The following GPX8 variants were observed in gnomAD, a reference collection of about 807,000 sequenced individuals.
GPX8 encodes the protein glutathione peroxidase 8 (putative), also known as protein peroxidase GPX8.
A neutral mutation model predicts 17.8 loss-of-function variants in GPX8; 12 were observed. That is an observed-to-expected ratio of 0.67 (90% CI 0.43 to 1.09). The LOEUF (loss-of-function observed/expected upper bound fraction) is 1.09. Among genes scored for constraint, GPX8 ranks in the 50% least tolerant of loss-of-function variants. The probability of loss-of-function intolerance (pLI) is 0.00; values close to 1 mark genes in which losing one functional copy is unlikely to be tolerated. For missense variants in GPX8, 209 were observed against 235.6 expected (o/e 0.89, Z 0.74); for synonymous variants, 86 against 88.1 (o/e 0.98, Z 0.14).
rs1744438610 is a variant in GPX8, at chr5:55,167,153, G to T, written c.*2935G>T. The T allele has an allele frequency of 6.6e-6, 1 of 152,200 alleles. No individual in the cohort carries two copies. Among genetic ancestry groups the T allele is most frequent in the African/African-American group, 2.4e-5 (1 of 41,446 alleles). The allele number at this position is 152,200 out of a possible 1,614,324, so 9.4% of individuals were successfully genotyped here. A position where few individuals can be genotyped will look rare whatever the true frequency, so the allele number is the denominator to read the frequency against. On this transcript the variant is annotated 3_prime_UTR_variant, in exon 3 of 3. Transcript: ENST00000503787. ...ACAAAATCAAATGCATTTTAACTGT[G>T]GTAACTAATTCACTGACTTGAAGTT... is the stretch of plus-strand genomic sequence containing the variant.
At position 55,165,101 on chromosome 5, in the gene GPX8, A is replaced by G. The variant is rs1453551799; in HGVS notation, c.*883A>G. On this transcript the variant is annotated 3_prime_UTR_variant, in exon 3 of 3. Coordinates refer to ENST00000503787, the MANE Select transcript of GPX8 (RefSeq NM_001008397.4). Reference sequence around the variant, plus strand: ...TGGGTTGCTAATGTATTCGTACTAGATTAGCCACTTGGGAGGAATTCAATG... The same window carrying G: ...TGGGTTGCTAATGTATTCGTACTAGGTTAGCCACTTGGGAGGAATTCAATG... 6.6e-6 allele frequency: 1 copy of G among 152,200 alleles called. No homozygotes were observed. Among genetic ancestry groups the G allele is most frequent in the African/African-American group, 2.4e-5 (1 of 41,444 alleles). 9.4% of individuals were successfully genotyped at this position (152,200 alleles called of 1,614,324 possible). A position where few individuals can be genotyped will look rare whatever the true frequency, so the allele number is the denominator to read the frequency against.
At position 55,166,787 on chromosome 5, in the gene GPX8, G is replaced by A. The variant is rs1335282330; in HGVS notation, c.*2569G>A. Reference sequence around the variant, plus strand: ...CTCACACCGGTAATCCCAGCACTTTGGGAGGCCGAGGCGGGTGGATCACTT... The same window carrying A: ...CTCACACCGGTAATCCCAGCACTTTAGGAGGCCGAGGCGGGTGGATCACTT... On this transcript the variant is annotated 3_prime_UTR_variant, in exon 3 of 3. Transcript: ENST00000503787. 6.6e-6 allele frequency: 1 copy of A among 152,400 alleles called. No homozygotes were observed. The highest frequency in any genetic ancestry group is 2.4e-5 in the African/African-American group (1 of 41,458). 9.4% of individuals were successfully genotyped at this position (152,400 alleles called of 1,614,324 possible). A position where few individuals can be genotyped will look rare whatever the true frequency, so the allele number is the denominator to read the frequency against.
intron 2 of GPX8, among the ~76,000 whole-genome samples, chr5:55,161,627 G>C (rs1012178985): frequency 1.3e-5 from 2 of 152,180 alleles, no homozygotes; most frequent in Non-Finnish European, 1.5e-5. Context: ...CTCATGAATA[G>C]TGCTGGGCAT....
intron 2 of GPX8, among the ~76,000 whole-genome samples, chr5:55,162,279 C>T (rs1322582207): frequency 6.6e-6 from 1 of 152,016 alleles, no homozygotes. Context: ...ACCTGTAATC[C>T]CAGCTATTCA....
At position 55,164,712 on chromosome 5, in the gene GPX8, C is replaced by T. The variant is rs1214740823; in HGVS notation, c.*494C>T. 1 of 152,154 alleles carries T rather than the reference C, an allele frequency of 6.6e-6. No individual in the cohort carries two copies. The highest frequency in any genetic ancestry group is 1.9e-4 in the East Asian group (1 of 5,202). The allele number at this position is 152,154 out of a possible 1,614,324, so 9.4% of individuals were successfully genotyped here. A position where few individuals can be genotyped will look rare whatever the true frequency, so the allele number is the denominator to read the frequency against. On this transcript the variant is annotated 3_prime_UTR_variant, in exon 3 of 3. Coordinates refer to ENST00000503787, the MANE Select transcript of GPX8 (RefSeq NM_001008397.4). ...AAATGGTTATGTTAATGGAATAAAA[C>T]ACAAATGTTGAAAAATGTAAAATAT...
chr5:55,164,162 C>A lies in GPX8; in HGVS notation c.574C>A (p.Pro192Thr). 6.3e-6 allele frequency: 10 copies of A among 1,598,550 alleles called. No individual in the cohort carries two copies. The highest frequency in any genetic ancestry group is 8.6e-6 in the Non-Finnish European group (10 of 1,169,472). The change falls in exon 3 of 3, where the codon CCT becomes ACT. Residue 192 changes from proline (P) to threonine (T), a missense_variant. Coordinates refer to ENST00000503787, the MANE Select transcript of GPX8 (RefSeq NM_001008397.4). Reference sequence around the variant, plus strand: ...AGAGGAGCCCATTGAAGTCATCAGGCCTGACATAGCAGCTCTGGTTAGACA... The same window carrying A: ...AGAGGAGCCCATTGAAGTCATCAGGACTGACATAGCAGCTCTGGTTAGACA... The part of the protein sequence containing the change: ...KPEEPIEVIR[P>T]DIAALVRQVI...
Position 55,166,362 on chromosome 5 carries a change from G to A in GPX8, c.*2144G>A. 1 of 152,308 alleles carries A rather than the reference G, an allele frequency of 6.6e-6. No homozygotes were observed. Among genetic ancestry groups the A allele is most frequent in the Non-Finnish European group, 1.5e-5 (1 of 68,050 alleles). 9.4% of individuals were successfully genotyped at this position (152,308 alleles called of 1,614,324 possible). A position where few individuals can be genotyped will look rare whatever the true frequency, so the allele number is the denominator to read the frequency against. Reference sequence around the variant, plus strand: ...CTTCACTTACATCTCTCTAATCTTGGCTGCCTTATTCAACCTACAGACTCT... The same window carrying A: ...CTTCACTTACATCTCTCTAATCTTGACTGCCTTATTCAACCTACAGACTCT... On this transcript the variant is annotated 3_prime_UTR_variant, in exon 3 of 3. Coordinates refer to ENST00000503787, the MANE Select transcript of GPX8 (RefSeq NM_001008397.4).
At position 55,164,336 on chromosome 5, in the gene GPX8, A is replaced by C. The variant is rs1744264343; in HGVS notation, c.*118A>C. The C allele has an allele frequency of 3.2e-6, 2 of 625,054 alleles. No individual in the cohort carries two copies. The highest frequency in any genetic ancestry group is 4.9e-6 in the Non-Finnish European group (2 of 412,312). The allele number at this position is 625,054 out of a possible 1,614,324, so 38.7% of individuals were successfully genotyped here. Reference sequence around the variant, plus strand: ...TCTGTCACCCAGGCTGGAGTGCAGTAGTGCGTTCTCAGCTCATTGCAACCT... The same window carrying C: ...TCTGTCACCCAGGCTGGAGTGCAGTCGTGCGTTCTCAGCTCATTGCAACCT... On this transcript the variant is annotated 3_prime_UTR_variant, in exon 3 of 3. Transcript: ENST00000503787.
Position 55,160,203 on chromosome 5 carries a change from T to C in GPX8, c.11T>C (p.Leu4Pro), listed in dbSNP as rs1328920627. Residue 4 changes from leucine (L) to proline (P), a missense_variant, in exon 1 of 3, where the codon CTT becomes CCT. Transcript: ENST00000503787. ...CTAGAATCCTCCAACATGGAGCCTCTTGCAGCTTACCCGCTAAAATGTTCC... is the reference window on the plus strand; with the variant it reads ...CTAGAATCCTCCAACATGGAGCCTCCTGCAGCTTACCCGCTAAAATGTTCC... Reference protein sequence around the residue: MEPLAAYPLKCSGP... With the variant: MEPPAAYPLKCSGP... The C allele has an allele frequency of 1.2e-6, 2 of 1,613,772 alleles. No individual in the cohort carries two copies. The highest frequency in any genetic ancestry group is 1.7e-6 in the Non-Finnish European group (2 of 1,179,790).
intron 2 of GPX8, among the ~76,000 whole-genome samples, chr5:55,163,433 A>G (rs1286803826): frequency 6.6e-6 from 1 of 152,096 alleles, no homozygotes; most frequent in Non-Finnish European, 1.5e-5. Context: ...TCAAAATACA[A>G]AAATTTGCCT....
At chr5:55,160,906 C>A in intron 1 of GPX8, 88 bp from the exon 2 acceptor site, 1 of 1,365,008 alleles carries the variant, frequency 7.3e-7, no homozygotes, top group South Asian at 1.5e-5. Context: ...ATAGTCCCCC[C>A]CAAATTGTTT....
rs749304957 is a variant in GPX8, at chr5:55,161,148, A to G, written c.359A>G (p.Lys120Arg). 2 of 1,614,228 alleles carry G rather than the reference A, an allele frequency of 1.2e-6. No homozygotes were observed. The highest frequency in any genetic ancestry group is 1.1e-5 in the South Asian group (1 of 91,090). Reference sequence around the variant, plus strand: ...GGAGAATCGGAGCCCCGCCCAAGCAAGGAAGTAGAATCTTTTGCAAGAAAA... The same window carrying G: ...GGAGAATCGGAGCCCCGCCCAAGCAGGGAAGTAGAATCTTTTGCAAGAAAA... ...QFGESEPRPS[K>R]EVESFARKNY... The change falls in exon 2 of 3, where the codon AAG (lysine) becomes AGG (arginine). Residue 120 changes from lysine to arginine, a missense_variant. Physicochemically the swap from Lys to Arg is conservative, Grantham distance 26 (BLOSUM62 2). Transcript: ENST00000503787.
intron 1 of GPX8, 170 bp downstream of exon 1, chr5:55,160,566 AAATAATAAATTCC>A: frequency 5.2e-6 from 3 of 573,344 alleles, no homozygotes; most frequent in Non-Finnish European, 9.1e-6. Context: ...GTTTGCTTCT[AAATAATAAATTCC>A]GATTATCTCG....
intron 1 of GPX8, 55 bp from the exon 2 acceptor site, chr5:55,160,939 T>G (rs1023783443): frequency 6.9e-5 from 108 of 1,561,742 alleles, no homozygotes; most frequent in Non-Finnish European, 8.8e-5. Context: ...ACTTGCAGAA[T>G]TTTTTAAAAT....
intron 2 of GPX8, among the ~76,000 whole-genome samples, chr5:55,163,039 T>A (rs1411501330): frequency 6.6e-6 from 1 of 152,170 alleles, no homozygotes; most frequent in African/African-American, 2.4e-5. Context: ...AGGGTCCCTG[T>A]AAGATTAAAA....
chr5:55,162,755 C>T (rs960031577), intron 2 of GPX8, among the ~76,000 whole-genome samples: 6 of 152,228 alleles, frequency 3.9e-5, no homozygotes, highest in Non-Finnish European at 7.3e-5. Context: ...CAGCCAGATA[C>T]GTGGGTGCAA....
Position 55,166,519 on chromosome 5 carries a change from T to C in GPX8, c.*2301T>C, listed in dbSNP as rs1399250343. On this transcript the variant is annotated 3_prime_UTR_variant, in exon 3 of 3. Transcript: ENST00000503787. The stretch of plus-strand genomic sequence containing the variant: ...TGTCCCTTCGGGGTTCTGTAACAAT[T>C]AGGCTATGTGTGCTGAGAGAGGGAG... The C allele has an allele frequency of 6.6e-6, 1 of 152,188 alleles. No homozygotes were observed. Among genetic ancestry groups the C allele is most frequent in the Non-Finnish European group, 1.5e-5 (1 of 68,048 alleles). The allele number at this position is 152,188 out of a possible 1,614,324, so 9.4% of individuals were successfully genotyped here.
intron 2 of GPX8, 67 bp downstream of exon 2, chr5:55,161,322 A>G: frequency 3.6e-6 from 5 of 1,379,772 alleles, no homozygotes; most frequent in Admixed American, 4.0e-5. Context: ...TACCAGGACA[A>G]TACTTTCCTA....
chr5:55,162,688 A>C (rs1744144437), intron 2 of GPX8, among the ~76,000 whole-genome samples: 1 of 152,276 alleles, frequency 6.6e-6, no homozygotes, highest in Non-Finnish European at 1.5e-5. Context: ...TTGAAGGTCC[A>C]CTGAGGAAAG....
Sources: gnomAD v4.1 joint callset for allele counts (sites outside exome capture counted in the v4.1 genomes callset) on GRCh38, gnomAD v4.1.1 for gene constraint, MANE v1.5 for transcripts, NCBI Gene and HGNC (gene_info 2026-07-23, HGNC 2026-07-21) for gene names.